The following DNAH12 variants were observed in gnomAD, a reference collection of about 807,000 sequenced individuals.
DNAH12 encodes the protein axonemal beta dynein heavy chain 12.
DNAH12 carries 285 observed loss-of-function variants against 371.5 expected under a neutral mutation model. The ratio of observed to expected loss-of-function variants is 0.77; its 90% CI spans 0.70 to 0.85. The LOEUF (loss-of-function observed/expected upper bound fraction) is 0.85, where lower values mean the gene tolerates loss of function less well. Ranked by LOEUF, DNAH12 falls within the 40% of genes least tolerant of loss-of-function variation. DNAH12 has a pLI of 0.00. For synonymous variants in DNAH12, 1,200 were observed against 1,213.0 expected (o/e 0.99, Z 0.22); for missense variants, 3,611 against 3,689.4 (o/e 0.98, Z 0.55).
chr3:57,406,601 AAAAC>A, intron 40 of DNAH12, among the ~76,000 whole-genome samples: 1 of 72,832 alleles, frequency 1.4e-5, no homozygotes. Flanking sequence ...TAAATAGTGA[AAAAC>A]AAAATCTTTC....
At chr3:57,421,902 C>T (rs368461696) in intron 35 of DNAH12, among the ~76,000 whole-genome samples, 196 bp from the exon 36 acceptor site, 246 of 98,458 alleles carry the variant, frequency 2.5e-3, no homozygotes, top group African/African-American at 5.1e-3. Flanking sequence ...GTTTGCATGT[C>T]TTTTTTTTTT....
At chr3:57,471,665 G>C in intron 14 of DNAH12, 59 bp from the exon 15 acceptor site, 1 of 1,402,324 alleles carries the variant, frequency 7.1e-7, no homozygotes, top group Non-Finnish European at 9.4e-7. Flanking sequence ...TATCAAGTCA[G>C]AAATCCAAAT....
At chr3:57,424,946 C>T in intron 35 of DNAH12, 76 bp downstream of exon 35, 1 of 633,554 alleles carries the variant, frequency 1.6e-6, no homozygotes, top group African/African-American at 1.8e-5. Context: ...CTTGTCATGT[C>T]TTTCTCAATA....
Position 57,421,706 on chromosome 3 carries a change from C to A in DNAH12, c.5374G>T (p.Ala1792Ser). ...CAAATCAAAGAGAATATAAAGCAAG[C>A]CTGTTGGTGGAGAAAAAATTTAACT... ...TSKHIRVWIM[A>S]CFIFSLIWSI... The change falls in exon 36 of 74, where the codon GCT becomes TCT. Residue 1792 changes from alanine to serine, a missense_variant and splice_region_variant. Ala to Ser is a moderately conservative substitution (Grantham distance 99). Around this residue, in one of 3 missense-constraint regions of DNAH12, gnomAD observed 2,266 missense variants for 2,236.9 expected, o/e 1.01. Transcript: ENST00000495027. 1 of 1,551,318 alleles carries A rather than the reference C, an allele frequency of 6.4e-7. No homozygotes were observed. The highest frequency in any genetic ancestry group is 8.7e-7 in the Non-Finnish European group (1 of 1,146,920).
rs782439443 is a variant in DNAH12 at position 57,408,429 on chromosome 3, G to C, written c.6127C>G (p.Arg2043Gly). The change falls in exon 40 of 74, where the codon CGA (arginine) becomes GGA (glycine). Residue 2043 changes from arginine (R) to glycine (G), a missense_variant. Arg to Gly is a moderately radical substitution (Grantham distance 125). Around this residue, in one of 3 missense-constraint regions of DNAH12, gnomAD observed 2,266 missense variants for 2,236.9 expected, o/e 1.01. Transcript: ENST00000495027. ...GRNPVTPRCIRHFNICSINSF... is the reference protein window; with the variant it reads ...GRNPVTPRCIGHFNICSINSF... ...TTAATACTGCAGATGTTGAAATGTC[G>C]AATACAACGGGGAGTAACTGGATTT... 8 of 1,551,344 alleles carry C rather than the reference G, an allele frequency of 5.2e-6. No homozygotes were observed. Among genetic ancestry groups the C allele is most frequent in the South Asian group, 2.4e-5 (2 of 84,042 alleles).
At chr3:57,306,928 T>A (rs373724395) in intron 69 of DNAH12, among the ~76,000 whole-genome samples, 14 of 152,160 alleles carry the variant, frequency 9.2e-5, no homozygotes, top group Admixed American at 2.6e-4. Context: ...CTGTTCTGGA[T>A]CTTAAACATG....
intron 70 of DNAH12, among the ~76,000 whole-genome samples, chr3:57,297,486 G>C (rs1232339685): frequency 6.6e-6 from 1 of 151,610 alleles, no homozygotes; most frequent in Non-Finnish European, 1.5e-5. Flanking sequence ...CTCCTGAGTA[G>C]CTGGGATTAC....
At chr3:57,347,593 G>A (rs1373906990) in intron 60 of DNAH12, among the ~76,000 whole-genome samples, 1 of 152,024 alleles carries the variant, frequency 6.6e-6, no homozygotes, top group Non-Finnish European at 1.5e-5. Context: ...GCAGGTGCCT[G>A]TAATTCCAGC....
upstream of DNAH12, among the ~76,000 whole-genome samples, chr3:57,547,507 C>A (rs982332391): frequency 2.6e-4 from 40 of 151,988 alleles, no homozygotes; most frequent in African/African-American, 9.7e-4. Context: ...TGTTCTTTTA[C>A]AAGAACAGAT....
At position 57,399,455 on chromosome 3, in the gene DNAH12, G is replaced by A. The variant is rs1010785587; in HGVS notation, c.6948+3854C>T. Among the ~76,000 whole-genome samples, 284 of 152,242 alleles carry A rather than the reference G, an allele frequency of 1.9e-3. 2 individuals carry two copies. The highest frequency in any genetic ancestry group is 3.4e-3 in the Middle Eastern group (1 of 294). On this transcript the variant is annotated intron_variant, in intron 43 of 73. Coordinates refer to ENST00000495027, the MANE Select transcript of DNAH12 (RefSeq NM_001366028.2). ...ATTCATTTTAGATCCAAGGAAATAT[G>A]TAAGCTAAAGAATGGAAAAAGATAT...
At chr3:57,509,020 T>C (rs1364187047) in intron 6 of DNAH12, 120 bp downstream of exon 6, 1 of 860,162 alleles carries the variant, frequency 1.2e-6, no homozygotes, top group Non-Finnish European at 1.8e-6. Context: ...AGTACTTTTT[T>C]TTTAGATGTG....
rs748246318 is a variant in DNAH12, at chr3:57,446,678, G to A, written c.3798C>T (p.Phe1266=). 1 of 1,502,848 alleles carries A rather than the reference G, an allele frequency of 6.7e-7. No individual in the cohort carries two copies. Among genetic ancestry groups the A allele is most frequent in the Non-Finnish European group, 8.9e-7 (1 of 1,125,168 alleles). 93.1% of individuals were successfully genotyped at this position (1,502,848 alleles called of 1,614,324 possible). ...CTGGAGCACCTCCAAGGTTTAAATA[G>A]AAAGCACCTATCTGAAATGAAAAAC... ...DRCYRTLIGA[F]YLNLGGAPEG... The change falls in exon 26 of 74, where the codon TTC becomes TTT. Residue 1266 remains phenylalanine (F), a synonymous_variant. Coordinates refer to ENST00000495027, the MANE Select transcript of DNAH12 (RefSeq NM_001366028.2).
chr3:57,342,785 C>A (rs2062438152), intron 60 of DNAH12, among the ~76,000 whole-genome samples: 1 of 151,558 alleles, frequency 6.6e-6, no homozygotes, highest in South Asian at 2.1e-4. Flanking sequence ...TTTAAATGGG[C>A]AAATGAGGCT....
At chr3:57,368,532 G>C (rs1044483485) in intron 55 of DNAH12, among the ~76,000 whole-genome samples, 3,615 of 152,190 alleles carry the variant, frequency 0.024, 66 homozygotes, top group Admixed American at 0.035. Context: ...GAAGTAGTAG[G>C]ACCTTGTGAA....
At chr3:57,448,147 T>C (rs1173296189) in intron 25 of DNAH12, among the ~76,000 whole-genome samples, 2 of 152,348 alleles carry the variant, frequency 1.3e-5, no homozygotes, top group South Asian at 2.1e-4. Context: ...TTGGTCTCAC[T>C]GACTTCAAGA....
chr3:57,439,135 G>A (rs1027971961), intron 29 of DNAH12, among the ~76,000 whole-genome samples: 1 of 152,012 alleles, frequency 6.6e-6, no homozygotes, highest in Non-Finnish European at 1.5e-5. Context: ...GCTGCTCAAT[G>A]CAATCTACGG....
rs560370589 is a variant in DNAH12 at position 57,472,771 on chromosome 3, C to T, written c.1651-100G>A. ...CAATCTCTAATACCCTTTCAGATTTCAGTTTGACTCAGATTATTAACTGAT... is the reference window on the plus strand; with the variant it reads ...CAATCTCTAATACCCTTTCAGATTTTAGTTTGACTCAGATTATTAACTGAT... On this transcript the variant is annotated intron_variant, in intron 13 of 73. Coordinates refer to ENST00000495027, the MANE Select transcript of DNAH12 (RefSeq NM_001366028.2). 15 of 1,236,692 alleles carry T rather than the reference C, an allele frequency of 1.2e-5. No individual in the cohort carries two copies. In the African/African-American group the frequency reaches 1.8e-4, roughly 15 times the overall value. The allele number at this position is 1,236,692 out of a possible 1,614,324, so 76.6% of individuals were successfully genotyped here.
intron 29 of DNAH12, among the ~76,000 whole-genome samples, chr3:57,438,966 C>T (rs960611925): frequency 4.5e-5 from 6 of 132,382 alleles, no homozygotes; most frequent in African/African-American, 1.7e-4. Context: ...GACATACACA[C>T]ACACATACAC....
chr3:57,302,006 G>A (rs1435156887), intron 69 of DNAH12, 67 bp from the exon 70 acceptor site: 1 of 1,442,736 alleles, frequency 6.9e-7, no homozygotes, highest in African/African-American at 1.4e-5. Flanking sequence ...TCCAGAAGAA[G>A]AACAGCAGGA....
Sources: allele counts gnomAD v4.1 joint callset (sites outside exome capture counted in the v4.1 genomes callset), GRCh38; gene constraint gnomAD v4.1.1; regional missense constraint gnomAD v4.1.1; transcripts MANE v1.5; gene names NCBI Gene and HGNC (gene_info 2026-07-23, HGNC 2026-07-21).